Variants in GPSM2 observed in about 807,000 individuals in gnomAD.
The protein encoded by GPSM2 is G protein-signaling modulator 2.
A neutral mutation model predicts 78.4 loss-of-function variants in GPSM2; 58 were observed. The observed-to-expected ratio is 0.74, with a 90% CI of 0.60 to 0.92. The LOEUF (loss-of-function observed/expected upper bound fraction) is 0.92, where lower values mean the gene tolerates loss of function less well. Ranked by LOEUF, GPSM2 falls within the 40% of genes least tolerant of loss-of-function variation. GPSM2 has a pLI of 0.00. For missense variants in GPSM2, 700 were observed against 815.5 expected, an observed-to-expected ratio of 0.86 and a Z score of 1.73; for synonymous variants, 224 against 280.2, an observed-to-expected ratio of 0.80 and a Z score of 2.00.
chr1:108,881,901 T>A (rs924484735), intron 1 of GPSM2, among the ~76,000 whole-genome samples: 1 of 152,216 alleles, frequency 6.6e-6, no homozygotes, highest in African/African-American at 2.4e-5. Context: ...ATTAACATTT[T>A]ATAATTGCAA....
At chr1:108,906,276 C>G (rs1178678063) in intron 10 of GPSM2, among the ~76,000 whole-genome samples, 1 of 152,052 alleles carries the variant, frequency 6.6e-6, no homozygotes, top group Non-Finnish European at 1.5e-5. Flanking sequence ...CAGAATCTCA[C>G]TCTGTTGCCC....
At chr1:108,925,911 T>C (rs1366405295) in intron 14 of GPSM2, among the ~76,000 whole-genome samples, 4 of 151,612 alleles carry the variant, frequency 2.6e-5, no homozygotes, top group Non-Finnish European at 5.9e-5. Context: ...TGTAGGTAAG[T>C]CTGGGGTAAC....
chr1:108,906,228 TTTTA>T (rs1261702549), intron 10 of GPSM2, among the ~76,000 whole-genome samples: 5 of 152,080 alleles, frequency 3.3e-5, no homozygotes, highest in Non-Finnish European at 7.4e-5. Context: ...CCCTTTCTAC[TTTTA>T]TTTATTTATT....
At chr1:108,887,756 G>A (rs1647675228) in intron 2 of GPSM2, among the ~76,000 whole-genome samples, 1 of 152,164 alleles carries the variant, frequency 6.6e-6, no homozygotes, top group Non-Finnish European at 1.5e-5. Flanking sequence ...GTGAGAGCAT[G>A]CAGCCTACCC....
intron 2 of GPSM2, among the ~76,000 whole-genome samples, chr1:108,886,797 G>A (rs1486939021): frequency 6.6e-6 from 1 of 152,120 alleles, no homozygotes; most frequent in Non-Finnish European, 1.5e-5. Flanking sequence ...TGGGCAGAAT[G>A]AAGGTACAGA....
chr1:108,930,013 G>T lies in GPSM2; in HGVS notation c.*73G>T. On this transcript the variant is annotated 3_prime_UTR_variant, in exon 15 of 15. Coordinates refer to ENST00000264126, the MANE Select transcript of GPSM2 (RefSeq NM_013296.5). ...TCTATTACTTTTTTCCTTAAAAGGA[G>T]AATTTATAGCACTGTAATACAGCTT... The T allele has an allele frequency of 1.5e-6, 2 of 1,333,212 alleles. No individual in the cohort carries two copies. The highest frequency in any genetic ancestry group is 2.1e-6 in the Non-Finnish European group (2 of 935,404). The allele number at this position is 1,333,212 out of a possible 1,614,324, so 82.6% of individuals were successfully genotyped here.
chr1:108,915,214 T>C (rs903410610), intron 11 of GPSM2, among the ~76,000 whole-genome samples: 1 of 150,890 alleles, frequency 6.6e-6, no homozygotes, highest in African/African-American at 2.4e-5. Flanking sequence ...TTACTAAAAA[T>C]ACAAAAATTA....
At chr1:108,924,339 A>G (rs929598294) in intron 14 of GPSM2, 125 bp downstream of exon 14, 8 of 738,896 alleles carry the variant, frequency 1.1e-5, no homozygotes, top group Non-Finnish European at 1.7e-5. Context: ...TCCATCATTC[A>G]GTAAAAAATT....
chr1:108,927,606 T>C (rs946973941), intron 14 of GPSM2, among the ~76,000 whole-genome samples: 4 of 152,050 alleles, frequency 2.6e-5, no homozygotes, highest in Non-Finnish European at 4.4e-5. Context: ...AAGAATGAAG[T>C]TGGACCCTTA....
chr1:108,899,925 TGAAATA>T (rs1281180589), intron 7 of GPSM2, among the ~76,000 whole-genome samples: 1 of 152,204 alleles, frequency 6.6e-6, no homozygotes, highest in Non-Finnish European at 1.5e-5. Context: ...TAGTTAGATA[TGAAATA>T]GCCTCCCAAA....
intron 2 of GPSM2, among the ~76,000 whole-genome samples, chr1:108,893,004 G>A (rs1268343469): frequency 6.6e-6 from 1 of 152,176 alleles, no homozygotes; most frequent in Non-Finnish European, 1.5e-5. Context: ...CAGCCATGTA[G>A]CCAGCAAGCT....
chr1:108,912,493 C>T (rs982594861), intron 10 of GPSM2, among the ~76,000 whole-genome samples: 4 of 151,408 alleles, frequency 2.6e-5, no homozygotes, highest in African/African-American at 9.7e-5. Context: ...CCTGTAATCC[C>T]AGCACTTTGG....
At chr1:108,887,704 GGT>G (rs1647672100) in intron 2 of GPSM2, among the ~76,000 whole-genome samples, 2 of 152,192 alleles carry the variant, frequency 1.3e-5, no homozygotes, top group Non-Finnish European at 2.9e-5. Context: ...GGGCTGCTTA[GGT>G]CAGTGTCACC....
At chr1:108,915,693 G>A (rs1017485271) in intron 11 of GPSM2, among the ~76,000 whole-genome samples, 7 of 151,904 alleles carry the variant, frequency 4.6e-5, no homozygotes, top group African/African-American at 1.7e-4. Context: ...CCAAAGTGCT[G>A]GGATTACAGG....
At chr1:108,898,852 AC>A in intron 6 of GPSM2, 26 bp from the exon 7 acceptor site, 1 of 1,594,144 alleles carries the variant, frequency 6.3e-7, no homozygotes, top group Non-Finnish European at 8.6e-7. Context: ...TATTTTATCT[AC>A]ATCTAATTAA....
chr1:108,915,646 C>T (rs993483682), intron 11 of GPSM2, among the ~76,000 whole-genome samples: 3 of 151,660 alleles, frequency 2.0e-5, no homozygotes, highest in African/African-American at 7.3e-5. Flanking sequence ...ACGATGGTCT[C>T]GATCTCCTGA....
intron 4 of GPSM2, 105 bp from the exon 5 acceptor site, chr1:108,897,854 T>TA (rs1648490414): frequency 8.6e-7 from 1 of 1,162,068 alleles, no homozygotes; most frequent in Admixed American, 2.0e-5. Context: ...AGAGCCAATA[T>TA]AAAAATTTTT....
At chr1:108,924,998 G>C (rs1413706760) in intron 14 of GPSM2, among the ~76,000 whole-genome samples, 3 of 152,200 alleles carry the variant, frequency 2.0e-5, no homozygotes, top group East Asian at 1.9e-4. Context: ...ATATGGACTA[G>C]AGTGGTAACA....
chr1:108,890,180 T>C (rs1647871743), intron 2 of GPSM2, among the ~76,000 whole-genome samples: 2 of 152,254 alleles, frequency 1.3e-5, no homozygotes, highest in Admixed American at 1.3e-4. Flanking sequence ...AATCTGTTTT[T>C]ATGGTGCTCC....
Sources: allele counts gnomAD v4.1 joint callset (sites outside exome capture counted in the v4.1 genomes callset), GRCh38; gene constraint gnomAD v4.1.1; transcripts MANE v1.5; gene names NCBI Gene and HGNC (gene_info 2026-07-23, HGNC 2026-07-21).